NCALD: variants seen among roughly 807,000 people sequenced by gnomAD.
The protein encoded by NCALD is neurocalcin delta, also known as neurocalcin-delta.
A neutral mutation model predicts 18.6 loss-of-function variants in NCALD; 10 were observed. That is an observed-to-expected ratio of 0.54 (90% CI 0.33 to 0.91). NCALD has a LOEUF of 0.91. Among genes scored for constraint, NCALD ranks in the 40% least tolerant of loss-of-function variants. The probability of loss-of-function intolerance (pLI) is 0.03; values close to 1 mark genes in which losing one functional copy is unlikely to be tolerated. For missense variants in NCALD, 184 were observed against 247.6 expected, an observed-to-expected ratio of 0.74 and a Z score of 1.72; for synonymous variants, 88 against 87.4, an observed-to-expected ratio of 1.01 and a Z score of -0.04.
At chr8:101,726,791 A>C (rs573279076) in intron 1 of NCALD, among the ~76,000 whole-genome samples, 38 of 152,298 alleles carry the variant, frequency 2.5e-4, no homozygotes, top group Admixed American at 1.3e-3. Context: ...CAAGGACTGA[A>C]TGAGTGCACC....
At chr8:101,770,195 A>G (rs1210327212) in intron 1 of NCALD, among the ~76,000 whole-genome samples, 1 of 152,202 alleles carries the variant, frequency 6.6e-6, no homozygotes, top group Non-Finnish European at 1.5e-5. Flanking sequence ...TGTGCTCTCC[A>G]ACTGGATACC....
At chr8:101,771,302 G>A (rs972713540) in intron 1 of NCALD, among the ~76,000 whole-genome samples, 3 of 152,198 alleles carry the variant, frequency 2.0e-5, no homozygotes, top group Non-Finnish European at 4.4e-5. Flanking sequence ...TGGAGGTGGG[G>A]TGGACAAAAA....
intron 2 of NCALD, among the ~76,000 whole-genome samples, chr8:101,954,347 G>A (rs2131822976): frequency 6.6e-6 from 1 of 152,246 alleles, no homozygotes; most frequent in African/African-American, 2.4e-5. Context: ...ATGCCACATG[G>A]AAAGCAGAAA....
rs547166363 is a variant in NCALD, at chr8:101,817,983, G to A, written c.-20+69158C>T. 6.6e-5 allele frequency among the ~76,000 whole-genome samples: 10 copies of A among 152,222 alleles called. No homozygotes were observed. In the South Asian group the frequency reaches 2.1e-3, roughly 32 times the overall value. On this transcript the variant is annotated intron_variant, in intron 4 of 6. Transcript: ENST00000311028. ...TCTGTACGGTGGACTCTGTAGTTTC[G>A]TATTTGCATTCTGAGCACTTGTGGT...
At chr8:101,969,707 A>G (rs1820165407) in intron 2 of NCALD, among the ~76,000 whole-genome samples, 2 of 152,210 alleles carry the variant, frequency 1.3e-5, no homozygotes, top group Admixed American at 6.5e-5. Context: ...ACTACCAGAT[A>G]ATGGATGACA....
intron 3 of NCALD, chr8:101,690,844 G>A (rs549532134): frequency 7.6e-5 from 75 of 985,394 alleles, no homozygotes; most frequent in Middle Eastern, 5.2e-4. Flanking sequence ...GGAGACAGGC[G>A]TGATCTCTGA....
chr8:102,124,243 G>A (rs951150748), exon 1 of NCALD: 2 of 147,786 alleles, frequency 1.4e-5, no homozygotes, highest in African/African-American at 4.9e-5. Context: ...TCACCGCCTC[G>A]GCCGCTCCCA....
chr8:101,949,035 CATTT>C (rs1486484756), intron 2 of NCALD, among the ~76,000 whole-genome samples: 1 of 152,180 alleles, frequency 6.6e-6, no homozygotes, highest in East Asian at 1.9e-4. Flanking sequence ...TTATAGAGTT[CATTT>C]AGTCTGCCAG....
At chr8:102,055,311 T>C (rs958140471) in intron 1 of NCALD, among the ~76,000 whole-genome samples, 1 of 149,852 alleles carries the variant, frequency 6.7e-6, no homozygotes, top group Admixed American at 6.6e-5. Context: ...TGGGACTCCA[T>C]TGCCTCCTAG....
At chr8:101,976,359 G>A (rs1049351228) in intron 2 of NCALD, among the ~76,000 whole-genome samples, 32 of 152,244 alleles carry the variant, frequency 2.1e-4, no homozygotes, top group African/African-American at 7.5e-4. Context: ...AGGGACCTGG[G>A]ATTGGGGACC....
intron 1 of NCALD, among the ~76,000 whole-genome samples, chr8:102,026,140 G>A (rs1328716709): frequency 6.6e-6 from 1 of 152,034 alleles, no homozygotes; most frequent in East Asian, 1.9e-4. Flanking sequence ...ATTTAGGTGG[G>A]GACACAGCCA....
chr8:101,954,020 A>G (rs1819530497), intron 2 of NCALD, among the ~76,000 whole-genome samples: 1 of 152,206 alleles, frequency 6.6e-6, no homozygotes, highest in Admixed American at 6.5e-5. Flanking sequence ...TGTAGACACC[A>G]TGGTGAGAAA....
intron 3 of NCALD, among the ~76,000 whole-genome samples, chr8:101,891,495 T>A (rs568381754): frequency 1.3e-5 from 2 of 152,296 alleles, no homozygotes; most frequent in African/African-American, 4.8e-5. Flanking sequence ...AGTACTACAG[T>A]TTGCAGGGGA....
chr8:101,967,151 C>T (rs1007102282), intron 2 of NCALD, among the ~76,000 whole-genome samples: 3 of 152,012 alleles, frequency 2.0e-5, no homozygotes, highest in Non-Finnish European at 4.4e-5. Context: ...CATTTTTTAC[C>T]TATCTGTTGG....
chr8:102,066,682 G>T (rs544733674), intron 1 of NCALD, among the ~76,000 whole-genome samples: 22 of 152,356 alleles, frequency 1.4e-4, no homozygotes, highest in African/African-American at 5.3e-4. Context: ...CGTGACTTGG[G>T]GCACGTCTGA....
intron 1 of NCALD, among the ~76,000 whole-genome samples, chr8:102,080,097 CT>C (rs1364355060): frequency 1.3e-5 from 2 of 152,154 alleles, no homozygotes; most frequent in East Asian, 3.8e-4. Flanking sequence ...TGCCACTTAC[CT>C]TCTTAAAAAA....
chr8:102,092,932 A>G (rs1824971414), intron 1 of NCALD, among the ~76,000 whole-genome samples: 1 of 152,158 alleles, frequency 6.6e-6, no homozygotes, highest in African/African-American at 2.4e-5. Context: ...GACTATAACT[A>G]TATGAGAGCA....
intron 1 of NCALD, among the ~76,000 whole-genome samples, chr8:101,778,316 T>C (rs1377822148): frequency 1.3e-5 from 2 of 152,156 alleles, no homozygotes; most frequent in African/African-American, 4.8e-5. Context: ...ATAAATATGA[T>C]TGGGCCAGTC....
chr8:101,922,997 T>C (rs1818218349), intron 2 of NCALD, among the ~76,000 whole-genome samples: 1 of 152,138 alleles, frequency 6.6e-6, no homozygotes, highest in South Asian at 2.1e-4. Context: ...GGGGGACTAC[T>C]GTAGTATTAA....
Sources: allele counts gnomAD v4.1 joint callset (sites outside exome capture counted in the v4.1 genomes callset), GRCh38; gene constraint gnomAD v4.1.1; transcripts MANE v1.5; gene names NCBI Gene and HGNC (gene_info 2026-07-23, HGNC 2026-07-21).